Variants in RHBDD1 observed in about 807,000 individuals in gnomAD.
RHBDD1 encodes rhomboid domain containing 1, also known as rhomboid-related protein 4.
RHBDD1 carries 38 observed loss-of-function variants against 36.3 expected under a neutral mutation model. That is an observed-to-expected ratio of 1.05 (90% CI 0.81 to 1.37). The LOEUF is 1.37. Among genes scored for constraint, RHBDD1 ranks in the 40% most tolerant of loss-of-function variants. RHBDD1 has a pLI of 0.00. For missense variants in RHBDD1, 393 were observed against 377.6 expected (o/e 1.04, Z -0.34); for synonymous variants, 151 against 136.5 (o/e 1.11, Z -0.74).
intron 2 of RHBDD1, among the ~76,000 whole-genome samples, chr2:226,838,621 GA>G (rs1941275417): frequency 6.6e-6 from 1 of 151,884 alleles, no homozygotes; most frequent in Non-Finnish European, 1.5e-5. Context: ...CGGACAAAGG[GA>G]AAAAAGGTAT....
intron 8 of RHBDD1, among the ~76,000 whole-genome samples, chr2:226,941,725 G>C (rs1470000731): frequency 6.6e-6 from 1 of 152,106 alleles, no homozygotes; most frequent in Admixed American, 6.6e-5. Context: ...AGTCAAAAAA[G>C]TAATCTATAA....
intron 8 of RHBDD1, among the ~76,000 whole-genome samples, chr2:226,957,002 T>G (rs1951829079): frequency 6.6e-6 from 1 of 152,262 alleles, no homozygotes; most frequent in South Asian, 2.1e-4. Flanking sequence ...ATTTCTTGAT[T>G]GGTGGTCTCA....
chr2:226,867,270 G>A lies in RHBDD1; in HGVS notation c.518G>A (p.Arg173Lys). 6.2e-7 allele frequency: 1 copy of A among 1,613,702 alleles called. No homozygotes were observed. The highest frequency in any genetic ancestry group is 8.5e-7 in the Non-Finnish European group (1 of 1,179,822). ...VNILGFPVPN[R>K]FACWVELVAI... The stretch of plus-strand genomic sequence containing the variant: ...ATTTTGGGCTTTCCTGTACCGAACA[G>A]ATTTGCTTGTTGGGTCGAACTTGTG... The change falls in exon 5 of 9, where the codon AGA becomes AAA. Residue 173 changes from arginine (R) to lysine (K), a missense_variant. Arg to Lys is a conservative substitution (Grantham distance 26). Transcript: ENST00000392062.
chr2:226,855,578 C>G (rs771414224), intron 3 of RHBDD1, among the ~76,000 whole-genome samples: 1 of 152,136 alleles, frequency 6.6e-6, no homozygotes, highest in Non-Finnish European at 1.5e-5. Context: ...GAGAGATAGT[C>G]TAATGGTTGT....
Position 226,977,567 on chromosome 2 carries a change from G to T in RHBDD1, c.857-17864G>T, listed in dbSNP as rs977903422. On this transcript the variant is annotated intron_variant, in intron 8 of 8. Coordinates refer to ENST00000392062, the MANE Select transcript of RHBDD1 (RefSeq NM_001167608.3). ...CCTGCCCCAGGAGCAATGGTGAACCGTGAAACACCATCCTGGCCCTGTAGC... is the reference window on the plus strand; with the variant it reads ...CCTGCCCCAGGAGCAATGGTGAACCTTGAAACACCATCCTGGCCCTGTAGC... 2.0e-5 allele frequency among the ~76,000 whole-genome samples: 3 copies of T among 152,168 alleles called. 1 individual carries two copies. In the East Asian group the frequency reaches 5.8e-4, roughly 29 times the overall value.
intron 5 of RHBDD1, 173 bp from the exon 6 acceptor site, chr2:226,906,620 G>A (rs1948072313): frequency 5.8e-6 from 8 of 1,383,246 alleles, no homozygotes; most frequent in Non-Finnish European, 7.7e-6. Context: ...TTTTTTTTAA[G>A]GTAGGAGATG....
the RHBDD1 span, among the ~76,000 whole-genome samples, chr2:226,801,834 A>G: frequency 6.6e-6 from 1 of 152,164 alleles, no homozygotes; most frequent in Non-Finnish European, 1.5e-5. Flanking sequence ...GACAAGAAAA[A>G]AGAGAGATTA....
chr2:226,936,727 T>C (rs1050579255), intron 8 of RHBDD1, among the ~76,000 whole-genome samples: 2 of 152,154 alleles, frequency 1.3e-5, no homozygotes, highest in Non-Finnish European at 2.9e-5. Context: ...ATTCTGCTAC[T>C]CAACAGAACC....
At chr2:226,823,377 T>C in the RHBDD1 span, among the ~76,000 whole-genome samples, 10 of 152,210 alleles carry the variant, frequency 6.6e-5, no homozygotes, top group Non-Finnish European at 1.0e-4. Flanking sequence ...TTGCACTGTT[T>C]CTTAAAATTC....
At chr2:226,851,115 A>T (rs1446834787) in intron 3 of RHBDD1, among the ~76,000 whole-genome samples, 1 of 151,990 alleles carries the variant, frequency 6.6e-6, no homozygotes, top group Non-Finnish European at 1.5e-5. Context: ...TCAGTATGTT[A>T]TTTGTTTTGG....
intron 5 of RHBDD1, among the ~76,000 whole-genome samples, chr2:226,885,866 C>T (rs1946160001): frequency 1.3e-5 from 2 of 152,088 alleles, no homozygotes; most frequent in Non-Finnish European, 2.9e-5. Flanking sequence ...AATATATATG[C>T]TGGGTTTTTT....
rs1186485039 is a variant in RHBDD1 at position 226,947,535 on chromosome 2, G to A, written c.856+33184G>A. ...GTAGTATAGTTTGAAGTCAGGTAGT[G>A]TGATGCCTCCAGCTTTGTTCTTTTG... On this transcript the variant is annotated intron_variant, in intron 8 of 8. Transcript: ENST00000392062. Among the ~76,000 whole-genome samples, 5 of 152,220 alleles carry A rather than the reference G, an allele frequency of 3.3e-5. No homozygotes were observed. In the East Asian group the frequency reaches 7.7e-4, roughly 24 times the overall value.
chr2:226,914,373 G>T (rs752872381), intron 8 of RHBDD1, 22 bp downstream of exon 8: 1 of 1,604,668 alleles, frequency 6.2e-7, no homozygotes, highest in South Asian at 1.1e-5. Flanking sequence ...GCGCCCTTCA[G>T]TTATTTTAAA....
intron 4 of RHBDD1, among the ~76,000 whole-genome samples, chr2:226,866,323 G>A (rs985776784): frequency 1.3e-5 from 2 of 152,218 alleles, no homozygotes; most frequent in Admixed American, 1.3e-4. Context: ...ACCCACCTTG[G>A]CCTCCCAAAG....
intron 5 of RHBDD1, among the ~76,000 whole-genome samples, chr2:226,882,842 G>T (rs182907214): frequency 7.2e-4 from 109 of 152,262 alleles, no homozygotes; most frequent in African/African-American, 2.5e-3. Flanking sequence ...TCTGAGATCA[G>T]GTTGCCATCA....
chr2:226,917,095 A>G (rs527746510), intron 8 of RHBDD1, among the ~76,000 whole-genome samples: 5 of 152,196 alleles, frequency 3.3e-5, no homozygotes, highest in African/African-American at 4.8e-5. Context: ...TGAAGAATAT[A>G]TTTATTATTA....
intron 8 of RHBDD1, chr2:226,988,387 C>T (rs1957463995): frequency 6.5e-6 from 10 of 1,550,360 alleles, no homozygotes; most frequent in Non-Finnish European, 7.8e-6. Context: ...AGATAAAGGT[C>T]AGAACAGACA....
chr2:226,976,070 C>T (rs552202674), intron 8 of RHBDD1, among the ~76,000 whole-genome samples: 90 of 151,672 alleles, frequency 5.9e-4, no homozygotes, highest in African/African-American at 2.2e-3. Flanking sequence ...AGACTATGTG[C>T]AGTATGGATT....
At chr2:226,816,967 G>A in the RHBDD1 span, among the ~76,000 whole-genome samples, 1 of 152,060 alleles carries the variant, frequency 6.6e-6, no homozygotes, top group Non-Finnish European at 1.5e-5. Flanking sequence ...TCTCACTGAA[G>A]CAAAATAACA....
Sources: gnomAD v4.1 joint callset for allele counts (sites outside exome capture counted in the v4.1 genomes callset) on GRCh38, gnomAD v4.1.1 for gene constraint, MANE v1.5 for transcripts, NCBI Gene and HGNC (gene_info 2026-07-23, HGNC 2026-07-21) for gene names.